Variants in KIAA1549L observed in about 807,000 individuals in gnomAD.
KIAA1549L encodes KIAA1549 like, also known as UPF0606 protein KIAA1549L.
In KIAA1549L, 88 loss-of-function variants were observed where a neutral mutation model predicts 160.7. That is an observed-to-expected ratio of 0.55 (90% CI 0.46 to 0.65). The LOEUF (loss-of-function observed/expected upper bound fraction) is 0.65, where lower values mean the gene tolerates loss of function less well. Among genes scored for constraint, KIAA1549L ranks in the 30% least tolerant of loss-of-function variants. KIAA1549L has a pLI of 0.00. For synonymous variants in KIAA1549L, 950 were observed against 976.7 expected (o/e 0.97, Z 0.51); for missense variants, 2,258 against 2,437.5 (o/e 0.93, Z 1.55).
At chr11:33,405,384 T>C (rs1313832129) in intron 1 of KIAA1549L, among the ~76,000 whole-genome samples, 1 of 152,166 alleles carries the variant, frequency 6.6e-6, no homozygotes, top group East Asian at 1.9e-4. Context: ...CAAGATTATT[T>C]TGAGCTACAA....
intron 1 of KIAA1549L, among the ~76,000 whole-genome samples, chr11:33,428,624 ATTAACTCATCC>A (rs1851168528): frequency 6.6e-6 from 1 of 152,224 alleles, no homozygotes; most frequent in South Asian, 2.1e-4. Flanking sequence ...TACAAAGGAC[ATTAACTCATCC>A]TTTTTTATGG....
At chr11:33,657,435 A>T (rs972535143) in intron 18 of KIAA1549L, among the ~76,000 whole-genome samples, 1 of 152,114 alleles carries the variant, frequency 6.6e-6, no homozygotes, top group African/African-American at 2.4e-5. Context: ...TCAGGATTAG[A>T]CCAGGAAGGA....
intron 1 of KIAA1549L, among the ~76,000 whole-genome samples, chr11:33,495,827 T>C (rs1167170341): frequency 6.6e-6 from 1 of 151,884 alleles, no homozygotes; most frequent in African/African-American, 2.4e-5. Flanking sequence ...TTCTAACTGG[T>C]GTGAGATGGT....
chr11:33,530,393 C>T (rs377121921), intron 1 of KIAA1549L, among the ~76,000 whole-genome samples: 14 of 126,868 alleles, frequency 1.1e-4, no homozygotes, highest in African/African-American at 4.2e-4. Context: ...CAGAGCGAGA[C>T]TCCGTCTAAA....
chr11:33,384,025 A>G (rs1203446531), intron 1 of KIAA1549L, among the ~76,000 whole-genome samples: 3 of 152,186 alleles, frequency 2.0e-5, no homozygotes, highest in Non-Finnish European at 1.5e-5. Context: ...GGTGTGCTGC[A>G]TGATGAGTTT....
At chr11:33,655,675 G>T (rs1852039578) in intron 17 of KIAA1549L, among the ~76,000 whole-genome samples, 1 of 152,128 alleles carries the variant, frequency 6.6e-6, no homozygotes, top group African/African-American at 2.4e-5. Flanking sequence ...GGCTCTAGGG[G>T]AGTCTGGGGC....
At chr11:33,464,473 CATGTGTGTGT>C (rs1852003740) in intron 1 of KIAA1549L, among the ~76,000 whole-genome samples, 1 of 91,338 alleles carries the variant, frequency 1.1e-5, no homozygotes, top group South Asian at 3.8e-4. Flanking sequence ...GCTGTGTGTG[CATGTGTGTGT>C]GTGTGTGTGT....
chr11:33,541,632 A>C (rs1854024204), intron 1 of KIAA1549L, among the ~76,000 whole-genome samples, 170 bp from the exon 2 acceptor site: 1 of 152,182 alleles, frequency 6.6e-6, no homozygotes, highest in African/African-American at 2.4e-5. Context: ...GTTCACTGCA[A>C]CATTTTCCTA....
At chr11:33,603,925 G>T (rs1850430518) in intron 13 of KIAA1549L, among the ~76,000 whole-genome samples, 1 of 152,200 alleles carries the variant, frequency 6.6e-6, no homozygotes, top group Non-Finnish European at 1.5e-5. Context: ...TTGGCGGGAA[G>T]ACCTTGGTTT....
At chr11:33,603,226 A>G (rs1258364545) in intron 13 of KIAA1549L, among the ~76,000 whole-genome samples, 1 of 152,056 alleles carries the variant, frequency 6.6e-6, no homozygotes, top group Admixed American at 6.6e-5. Context: ...AGCAATAGGC[A>G]TTAGTCTTTA....
chr11:33,623,660 C>T (rs548347449), intron 16 of KIAA1549L, among the ~76,000 whole-genome samples: 65 of 152,260 alleles, frequency 4.3e-4, no homozygotes, highest in African/African-American at 1.4e-3. Flanking sequence ...CAGAAAGACA[C>T]TTATCAACCC....
At chr11:33,661,289 T>C (rs1852252511) in intron 20 of KIAA1549L, among the ~76,000 whole-genome samples, 1 of 152,142 alleles carries the variant, frequency 6.6e-6, no homozygotes, top group African/African-American at 2.4e-5. Context: ...TAACTACCAT[T>C]TGTTGAGTAT....
At chr11:33,622,628 C>T (rs915973656) in intron 16 of KIAA1549L, among the ~76,000 whole-genome samples, 9 of 152,172 alleles carry the variant, frequency 5.9e-5, no homozygotes, top group African/African-American at 2.2e-4. Context: ...CATCCACAGC[C>T]ACAACCTCCT....
At chr11:33,570,006 C>CTT (rs34297267) in intron 9 of KIAA1549L, among the ~76,000 whole-genome samples, 16,002 of 134,452 alleles carry the variant, frequency 0.12, 1,328 homozygotes, top group East Asian at 0.33. Flanking sequence ...CTCTCTCTCT[C>CTT]TTTTTTTTTT....
At chr11:33,515,939 C>T (rs1853333734) in intron 1 of KIAA1549L, among the ~76,000 whole-genome samples, 1 of 152,136 alleles carries the variant, frequency 6.6e-6, no homozygotes, top group African/African-American at 2.4e-5. Context: ...GCAGTTGGAC[C>T]AGATGCTAGA....
At chr11:33,526,501 CTT>C (rs1692142674) in intron 1 of KIAA1549L, among the ~76,000 whole-genome samples, 1 of 152,214 alleles carries the variant, frequency 6.6e-6, no homozygotes, top group Non-Finnish European at 1.5e-5. Context: ...TCACAGGACT[CTT>C]TGCAGACATT....
At chr11:33,403,345 G>C (rs796101399) in intron 1 of KIAA1549L, 1 of 4,374 alleles carries the variant, frequency 2.3e-4, no homozygotes, top group African/African-American at 6.6e-4. Flanking sequence ...ATGCAGACAC[G>C]CAGACAGACA....
intron 1 of KIAA1549L, among the ~76,000 whole-genome samples, chr11:33,469,246 C>A (rs1287776913): frequency 6.6e-6 from 1 of 152,042 alleles, no homozygotes; most frequent in East Asian, 1.9e-4. Flanking sequence ...TGTGGATTGG[C>A]CCATTCTGGA....
At chr11:33,584,096 G>T (rs943782959) in intron 11 of KIAA1549L, among the ~76,000 whole-genome samples, 11 of 152,220 alleles carry the variant, frequency 7.2e-5, no homozygotes, top group Non-Finnish European at 1.5e-4. Context: ...TCTCTTCCAT[G>T]TGAAGACACA....
Sources: allele counts gnomAD v4.1 joint callset (sites outside exome capture counted in the v4.1 genomes callset), GRCh38; gene constraint gnomAD v4.1.1; transcripts MANE v1.5; gene names NCBI Gene and HGNC (gene_info 2026-07-23, HGNC 2026-07-21).